GRID1: variants seen among roughly 807,000 people sequenced by gnomAD.
The protein encoded by GRID1 is glutamate ionotropic receptor delta type subunit 1, also known as glutamate receptor ionotropic, delta-1.
GRID1 carries 28 observed loss-of-function variants against 98.0 expected under a neutral mutation model. The ratio of observed to expected loss-of-function variants is 0.29; its 90% confidence interval spans 0.21 to 0.39. GRID1 has a LOEUF of 0.39. GRID1 is among the 10% of genes least tolerant of loss of function. The pLI, the probability that GRID1 is intolerant of heterozygous loss-of-function variation, is 1.00. For missense variants in GRID1, 1,111 were observed against 1,340.5 expected, an observed-to-expected ratio of 0.83 and a Z score of 2.67; for synonymous variants, 553 against 538.5, an observed-to-expected ratio of 1.03 and a Z score of -0.37.
intron 5 of GRID1, among the ~76,000 whole-genome samples, chr10:85,907,202 C>T (rs1210028655): frequency 6.6e-6 from 1 of 152,196 alleles, no homozygotes; most frequent in Non-Finnish European, 1.5e-5. Flanking sequence ...ACCTCCACCT[C>T]CAGGGTTCAA....
chr10:86,198,483 TC>T (rs1386348096), intron 3 of GRID1, among the ~76,000 whole-genome samples: 1 of 152,108 alleles, frequency 6.6e-6, no homozygotes, highest in Non-Finnish European at 1.5e-5. Context: ...TGGGCACAGC[TC>T]CAGAGTAGTA....
chr10:85,885,137 A>G (rs565313127), intron 5 of GRID1, among the ~76,000 whole-genome samples: 3 of 152,356 alleles, frequency 2.0e-5, no homozygotes, highest in African/African-American at 7.2e-5. Flanking sequence ...TGAATCAAAT[A>G]AATTAAGAAA....
intron 8 of GRID1, among the ~76,000 whole-genome samples, chr10:85,799,118 G>A (rs1206423496): frequency 6.6e-6 from 1 of 152,036 alleles, no homozygotes; most frequent in Non-Finnish European, 1.5e-5. Context: ...TCTAATGTCT[G>A]CTCTTGGCAC....
intron 6 of GRID1, among the ~76,000 whole-genome samples, chr10:85,864,349 G>A (rs1324516215): frequency 6.6e-6 from 1 of 152,314 alleles, no homozygotes; most frequent in African/African-American, 2.4e-5. Flanking sequence ...GTGGATGCAG[G>A]GAGCTCCACT....
chr10:85,605,778 C>T (rs1217804245), intron 15 of GRID1: 2 of 152,066 alleles, frequency 1.3e-5, no homozygotes. Flanking sequence ...AACTTCCTGT[C>T]CAAGAAGAAA....
At chr10:86,279,575 A>G (rs886810203) in intron 2 of GRID1, among the ~76,000 whole-genome samples, 5 of 152,248 alleles carry the variant, frequency 3.3e-5, no homozygotes, top group African/African-American at 1.2e-4. Context: ...AAAAATTCTC[A>G]GCAAACTAGG....
At chr10:85,814,506 G>T (rs1354465219) in intron 8 of GRID1, among the ~76,000 whole-genome samples, 1 of 151,956 alleles carries the variant, frequency 6.6e-6, no homozygotes, top group Non-Finnish European at 1.5e-5. Context: ...CTAAAAGATA[G>T]TGTCTTTGAA....
intron 2 of GRID1, among the ~76,000 whole-genome samples, chr10:86,341,834 A>G (rs1423315934): frequency 6.6e-6 from 1 of 152,178 alleles, no homozygotes; most frequent in Non-Finnish European, 1.5e-5. Context: ...GTGCGCCTGC[A>G]GTTCTTAGTC....
At chr10:85,649,127 T>A (rs1843233640) in intron 12 of GRID1, among the ~76,000 whole-genome samples, 1 of 152,178 alleles carries the variant, frequency 6.6e-6, no homozygotes, top group Non-Finnish European at 1.5e-5. Context: ...CAGTAGACTA[T>A]AAGAATTTGG....
At chr10:85,770,312 CA>C (rs989259403) in intron 8 of GRID1, among the ~76,000 whole-genome samples, 58 of 152,108 alleles carry the variant, frequency 3.8e-4, no homozygotes, top group Admixed American at 2.9e-3. Flanking sequence ...ACATCCACAC[CA>C]AAAACCCATC....
At chr10:85,796,517 A>G (rs1422311894) in intron 8 of GRID1, among the ~76,000 whole-genome samples, 1 of 152,172 alleles carries the variant, frequency 6.6e-6, no homozygotes, top group Non-Finnish European at 1.5e-5. Flanking sequence ...TTCCGGACTA[A>G]GAAGCCCATT....
chr10:85,706,646 A>G (rs886361713), intron 12 of GRID1, among the ~76,000 whole-genome samples: 5 of 152,208 alleles, frequency 3.3e-5, no homozygotes, highest in African/African-American at 1.2e-4. Flanking sequence ...AAGAGCCCGC[A>G]TTGCCAAGTC....
chr10:86,022,139 GTGTA>G (rs1843058325), intron 4 of GRID1, among the ~76,000 whole-genome samples: 1 of 152,120 alleles, frequency 6.6e-6, no homozygotes, highest in South Asian at 2.1e-4. Context: ...CTAAACCAGT[GTGTA>G]TTGTACATTT....
chr10:85,839,622 A>G (rs1226301040), intron 8 of GRID1, among the ~76,000 whole-genome samples: 1 of 152,204 alleles, frequency 6.6e-6, no homozygotes, highest in African/African-American at 2.4e-5. Context: ...TAACTAAGGC[A>G]GTGTTAACGT....
At chr10:86,274,462 C>G (rs1326174569) in intron 2 of GRID1, among the ~76,000 whole-genome samples, 1 of 152,184 alleles carries the variant, frequency 6.6e-6, no homozygotes, top group Admixed American at 6.5e-5. Flanking sequence ...TCATTGGTAG[C>G]TTGATGGAGA....
Position 86,277,550 on chromosome 10 carries a change from A to G in GRID1, c.236-70902T>C, listed in dbSNP as rs549260052. ...ATAATTGACAAAGATGTGATTTGTC[A>G]TAATAACATAAACAAGGAAATAAAG... On this transcript the variant is annotated intron_variant, in intron 2 of 15. Coordinates refer to ENST00000327946, the MANE Select transcript of GRID1 (RefSeq NM_017551.3). 2.0e-5 allele frequency among the ~76,000 whole-genome samples: 3 copies of G among 152,356 alleles called. 1 individual carries two copies. In the East Asian group the frequency reaches 5.8e-4, roughly 29 times the overall value.
chr10:86,054,355 G>A (rs575420117), intron 4 of GRID1, among the ~76,000 whole-genome samples: 8 of 152,174 alleles, frequency 5.3e-5, no homozygotes, highest in Non-Finnish European at 7.4e-5. Flanking sequence ...CCCTCCAGCT[G>A]ATGCGGTTGG....
intron 11 of GRID1, 21 bp from the exon 12 acceptor site, chr10:85,723,162 G>T (rs1841723104): frequency 1.3e-6 from 2 of 1,591,908 alleles, no homozygotes; most frequent in Admixed American, 3.4e-5. Flanking sequence ...CAGACAAAGT[G>T]GATTGGCCAG....
intron 4 of GRID1, among the ~76,000 whole-genome samples, chr10:86,018,205 G>A (rs780116627): frequency 6.6e-6 from 1 of 152,212 alleles, no homozygotes; most frequent in Admixed American, 6.5e-5. Context: ...GCCTTCTGAT[G>A]AGCTCCTTCA....
Sources: gnomAD v4.1 joint callset for allele counts (sites outside exome capture counted in the v4.1 genomes callset) on GRCh38, gnomAD v4.1.1 for gene constraint, MANE v1.5 for transcripts, NCBI Gene and HGNC (gene_info 2026-07-23, HGNC 2026-07-21) for gene names.